Variants in EIPR1 observed in about 807,000 individuals in gnomAD.
EIPR1 encodes EARP and GARP complex-interacting protein 1.
Under a neutral mutation model 48.1 loss-of-function variants are expected in EIPR1, and 25 were observed. The ratio of observed to expected loss-of-function variants is 0.52; its 90% CI spans 0.38 to 0.73. EIPR1 has a LOEUF of 0.73. Among genes scored for constraint, EIPR1 ranks in the 30% least tolerant of loss-of-function variants. The pLI, the probability that EIPR1 is intolerant of heterozygous loss-of-function variation, is 0.00. For missense variants in EIPR1, 415 were observed against 506.2 expected, an observed-to-expected ratio of 0.82 and a Z score of 1.73; for synonymous variants, 204 against 201.9, an observed-to-expected ratio of 1.01 and a Z score of -0.09.
chr2:3,306,623 T>C (rs558003747), intron 3 of EIPR1, among the ~76,000 whole-genome samples: 17 of 152,324 alleles, frequency 1.1e-4, no homozygotes, highest in African/African-American at 4.1e-4. Context: ...TATAATTAAG[T>C]AGCTAGAGAA....
At chr2:3,285,246 A>T (rs947520150) in intron 3 of EIPR1, among the ~76,000 whole-genome samples, 3 of 151,890 alleles carry the variant, frequency 2.0e-5, no homozygotes, top group Non-Finnish European at 4.4e-5. Flanking sequence ...GGCTCCAAGC[A>T]CACCCTGGAG....
chr2:3,225,743 T>C (rs1666044163), intron 4 of EIPR1, among the ~76,000 whole-genome samples: 1 of 152,210 alleles, frequency 6.6e-6, no homozygotes. Context: ...GTGTCCAGAA[T>C]GTATTCATCT....
chr2:3,327,952 G>A (rs1033333798), intron 3 of EIPR1, among the ~76,000 whole-genome samples: 1 of 151,826 alleles, frequency 6.6e-6, no homozygotes, highest in Non-Finnish European at 1.5e-5. Flanking sequence ...TTCTCGTGTT[G>A]CCCAGACTGG....
chr2:3,230,839 G>A (rs1019809368), intron 4 of EIPR1, among the ~76,000 whole-genome samples: 1 of 152,052 alleles, frequency 6.6e-6, no homozygotes, highest in South Asian at 2.1e-4. Context: ...GGTATTTTGG[G>A]GTTCCATATG....
At chr2:3,275,380 CA>C (rs1346511678) in intron 3 of EIPR1, among the ~76,000 whole-genome samples, 1 of 150,494 alleles carries the variant, frequency 6.6e-6, no homozygotes, top group African/African-American at 2.5e-5. Flanking sequence ...ACACATAAAG[CA>C]AAAATTGACA....
At chr2:3,246,031 T>C (rs567020242) in intron 4 of EIPR1, among the ~76,000 whole-genome samples, 1 of 152,198 alleles carries the variant, frequency 6.6e-6, no homozygotes, top group South Asian at 2.1e-4. Context: ...GCCGAGGCTG[T>C]GGTTGAGCCG....
intron 1 of EIPR1, among the ~76,000 whole-genome samples, chr2:3,363,436 CTA>C (rs1276133520): frequency 1.1e-4 from 17 of 152,172 alleles, no homozygotes; most frequent in African/African-American, 4.1e-4. Context: ...TGGCTCATGC[CTA>C]TAATCCCAAT....
intron 3 of EIPR1, among the ~76,000 whole-genome samples, chr2:3,263,140 G>A (rs1183141023): frequency 1.3e-5 from 2 of 152,206 alleles, no homozygotes; most frequent in Non-Finnish European, 2.9e-5. Flanking sequence ...AGACGGCTAC[G>A]CTCAGGAGAC....
At chr2:3,264,206 T>A (rs1667420022) in intron 3 of EIPR1, among the ~76,000 whole-genome samples, 1 of 152,184 alleles carries the variant, frequency 6.6e-6, no homozygotes, top group South Asian at 2.1e-4. Flanking sequence ...CTTCAGTATT[T>A]TTAGATTCTG....
Position 3,283,368 on chromosome 2 carries a change from A to G in EIPR1, c.260-25913T>C, listed in dbSNP as rs530095540. Among the ~76,000 whole-genome samples, 63 of 152,288 alleles carry G rather than the reference A, an allele frequency of 4.1e-4. 1 individual carries two copies. The highest frequency in any genetic ancestry group is 3.4e-3 in the Admixed American group (52 of 15,282). On this transcript the variant is annotated intron_variant, in intron 3 of 8. Coordinates refer to ENST00000382125, the MANE Select transcript of EIPR1 (RefSeq NM_003310.5). ...GGAGGCACCCGAGGGGCTGCGAACC[A>G]CCAGGCCCACCTCCTGCCCTGACCA...
chr2:3,308,282 G>C (rs1478778484), intron 3 of EIPR1, among the ~76,000 whole-genome samples: 1 of 152,200 alleles, frequency 6.6e-6, no homozygotes, highest in African/African-American at 2.4e-5. Context: ...TCAATGGACA[G>C]GATGATCTTA....
At chr2:3,325,058 A>G (rs929064484) in intron 3 of EIPR1, among the ~76,000 whole-genome samples, 18 of 152,202 alleles carry the variant, frequency 1.2e-4, no homozygotes, top group African/African-American at 4.1e-4. Context: ...GTCTTTTATC[A>G]TAAGCAACCC....
At chr2:3,306,974 T>A (rs554782120) in intron 3 of EIPR1, among the ~76,000 whole-genome samples, 19 of 152,220 alleles carry the variant, frequency 1.2e-4, no homozygotes, top group Middle Eastern at 3.4e-3. Flanking sequence ...TTTTTTAATT[T>A]ATTTATTTTT....
intron 3 of EIPR1, among the ~76,000 whole-genome samples, chr2:3,311,576 G>A (rs1027034207): frequency 2.0e-5 from 3 of 152,156 alleles, no homozygotes; most frequent in Admixed American, 2.0e-4. Flanking sequence ...AAAAAATGTT[G>A]AGGCTTAAGA....
intron 3 of EIPR1, among the ~76,000 whole-genome samples, chr2:3,259,519 C>T (rs1246344739): frequency 2.0e-5 from 3 of 152,178 alleles, no homozygotes; most frequent in African/African-American, 7.2e-5. Context: ...ATGAAGTTTC[C>T]ACGTATCCGG....
At chr2:3,246,227 C>A (rs1666789539) in intron 4 of EIPR1, among the ~76,000 whole-genome samples, 2 of 152,228 alleles carry the variant, frequency 1.3e-5, no homozygotes, top group Non-Finnish European at 2.9e-5. Flanking sequence ...TATCCTCAAA[C>A]ACAACATTTA....
chr2:3,218,904 C>T (rs1175349559), intron 4 of EIPR1, among the ~76,000 whole-genome samples: 6 of 145,344 alleles, frequency 4.1e-5, no homozygotes, highest in East Asian at 2.2e-4. Flanking sequence ...AGGTGCACAC[C>T]CAACACGGCC....
intron 1 of EIPR1, among the ~76,000 whole-genome samples, chr2:3,367,720 T>C (rs62119530): frequency 0.16 from 24,574 of 152,082 alleles, 2,215 homozygotes; most frequent in Non-Finnish European, 0.2. Context: ...TAAAACCAAA[T>C]TATCAATTCC....
chr2:3,369,662 A>T (rs1026376779), intron 1 of EIPR1, among the ~76,000 whole-genome samples: 4 of 152,220 alleles, frequency 2.6e-5, no homozygotes, highest in African/African-American at 9.6e-5. Flanking sequence ...TCAAACTGCA[A>T]GGTGGCAGCG....
Sources: allele counts gnomAD v4.1 joint callset (sites outside exome capture counted in the v4.1 genomes callset), GRCh38; gene constraint gnomAD v4.1.1; transcripts MANE v1.5; gene names NCBI Gene and HGNC (gene_info 2026-07-23, HGNC 2026-07-21).